Variants in CMTM8 observed in about 807,000 individuals in gnomAD.
The protein encoded by CMTM8 is CKLF like MARVEL transmembrane domain containing 8.
A neutral mutation model predicts 18.6 loss-of-function variants in CMTM8; 12 were observed. The observed-to-expected ratio is 0.65, with a 90% CI of 0.41 to 1.05. CMTM8 has a LOEUF of 1.05. CMTM8 is among the 50% of genes least tolerant of loss of function. CMTM8 has a pLI of 0.00. For synonymous variants in CMTM8, 87 were observed against 90.6 expected (o/e 0.96, Z 0.23); for missense variants, 217 against 227.2 (o/e 0.95, Z 0.29).
intron 1 of CMTM8, among the ~76,000 whole-genome samples, chr3:32,281,993 C>G (rs1702616418): frequency 6.6e-6 from 1 of 152,040 alleles, no homozygotes; most frequent in Non-Finnish European, 1.5e-5. Flanking sequence ...TTCCTCTTTT[C>G]CGTCTACACT....
intron 1 of CMTM8, among the ~76,000 whole-genome samples, chr3:32,319,471 A>G (rs1696001916): frequency 2.0e-5 from 3 of 151,730 alleles, no homozygotes; most frequent in Admixed American, 1.3e-4. Flanking sequence ...TCACAATACT[A>G]TCATACTTGA....
chr3:32,270,049 C>T (rs1264362199), intron 1 of CMTM8, among the ~76,000 whole-genome samples: 2 of 151,660 alleles, frequency 1.3e-5, no homozygotes, highest in African/African-American at 4.8e-5. Context: ...GTTGGGATTA[C>T]AGGCATGAGC....
At chr3:32,283,728 T>G (rs557991386) in intron 1 of CMTM8, among the ~76,000 whole-genome samples, 1 of 152,096 alleles carries the variant, frequency 6.6e-6, no homozygotes, top group East Asian at 1.9e-4. Context: ...CCCTCCACAC[T>G]TGGAGAACTA....
chr3:32,271,487 C>T (rs1702438344), intron 1 of CMTM8, among the ~76,000 whole-genome samples: 1 of 152,230 alleles, frequency 6.6e-6, no homozygotes, highest in South Asian at 2.1e-4. Flanking sequence ...TTGCACCTTA[C>T]AGAATATGGA....
chr3:32,260,929 A>T (rs1702248206), intron 1 of CMTM8, among the ~76,000 whole-genome samples: 2 of 152,156 alleles, frequency 1.3e-5, no homozygotes, highest in Non-Finnish European at 2.9e-5. Context: ...CCCAGTCTAA[A>T]ATGCTATGAA....
At chr3:32,343,880 TAGTAGAGAC>T (rs1166534311) in intron 1 of CMTM8, among the ~76,000 whole-genome samples, 2 of 152,174 alleles carry the variant, frequency 1.3e-5, no homozygotes, top group East Asian at 3.8e-4. Flanking sequence ...TTTGTATTTT[TAGTAGAGAC>T]AGGGTTTCAC....
At chr3:32,303,180 A>C (rs1368381640) in intron 1 of CMTM8, among the ~76,000 whole-genome samples, 6 of 152,206 alleles carry the variant, frequency 3.9e-5, no homozygotes, top group Admixed American at 6.5e-5. Flanking sequence ...TTGTCTTCTT[A>C]AGTTGCTGAT....
rs544062869 is a variant in CMTM8, at chr3:32,347,828, C to A, written c.148-9545C>A. ...GGAGAAGTTCCCTAACAGCTTCAATCGATAAAAAGAAAGTAAAATGACATC... is the reference window on the plus strand; with the variant it reads ...GGAGAAGTTCCCTAACAGCTTCAATAGATAAAAAGAAAGTAAAATGACATC... On this transcript the variant is annotated intron_variant, in intron 1 of 3. Coordinates refer to ENST00000307526, the MANE Select transcript of CMTM8 (RefSeq NM_178868.5). 2.6e-5 allele frequency among the ~76,000 whole-genome samples: 4 copies of A among 152,204 alleles called. No homozygotes were observed. In the South Asian group the frequency reaches 8.3e-4, roughly 32 times the overall value.
intron 1 of CMTM8, among the ~76,000 whole-genome samples, chr3:32,346,540 G>T (rs1346669185): frequency 2.0e-5 from 3 of 152,200 alleles, no homozygotes; most frequent in Non-Finnish European, 4.4e-5. Context: ...GTTGCAGACA[G>T]CCACCTTCTT....
At chr3:32,345,135 A>G (rs1030330066) in intron 1 of CMTM8, among the ~76,000 whole-genome samples, 6 of 152,056 alleles carry the variant, frequency 3.9e-5, no homozygotes, top group African/African-American at 7.2e-5. Context: ...CTTGAGCCTA[A>G]GAGTTCAAGA....
chr3:32,336,913 C>T lies in CMTM8; in HGVS notation c.148-20460C>T, dbSNP rs528817339. 2.6e-5 allele frequency among the ~76,000 whole-genome samples: 4 copies of T among 152,156 alleles called. No homozygotes were observed. In the South Asian group the frequency reaches 8.3e-4, roughly 32 times the overall value. On this transcript the variant is annotated intron_variant, in intron 1 of 3. Coordinates refer to ENST00000307526, the MANE Select transcript of CMTM8 (RefSeq NM_178868.5). ...CTATTAAGGAAACCATTGTTTCTTC[C>T]AGTTTTGGAGGCAGGAAGTCCAAGG...
At chr3:32,332,225 C>G (rs554927184) in intron 1 of CMTM8, among the ~76,000 whole-genome samples, 4 of 152,214 alleles carry the variant, frequency 2.6e-5, no homozygotes, top group South Asian at 4.1e-4. Flanking sequence ...TAGCTGCAGC[C>G]CGTCGCAGTG....
chr3:32,259,821 C>T (rs779354305), intron 1 of CMTM8: 35 of 817,604 alleles, frequency 4.3e-5, no homozygotes, highest in Non-Finnish European at 7.0e-5. Context: ...GCTGAGATGC[C>T]ACTCACGGAG....
intron 1 of CMTM8, among the ~76,000 whole-genome samples, chr3:32,254,676 A>T (rs925486808): frequency 1.3e-5 from 2 of 152,030 alleles, no homozygotes; most frequent in Non-Finnish European, 2.9e-5. Flanking sequence ...CTCCTTACCT[A>T]TTCCTGGCCA....
At chr3:32,261,159 G>A (rs1702252325) in intron 1 of CMTM8, among the ~76,000 whole-genome samples, 1 of 142,414 alleles carries the variant, frequency 7.0e-6, no homozygotes, top group South Asian at 2.3e-4. Flanking sequence ...GAGTGAGACT[G>A]TGTCCATCTC....
chr3:32,288,715 T>C (rs1311550390), intron 1 of CMTM8, among the ~76,000 whole-genome samples: 1 of 152,190 alleles, frequency 6.6e-6, no homozygotes, highest in Non-Finnish European at 1.5e-5. Context: ...TTAGCCAGGA[T>C]GTTCTCGATC....
At chr3:32,327,438 C>G (rs1358043331) in intron 1 of CMTM8, among the ~76,000 whole-genome samples, 1 of 152,192 alleles carries the variant, frequency 6.6e-6, no homozygotes, top group African/African-American at 2.4e-5. Flanking sequence ...ATTCCTACAA[C>G]TCAATAATTC....
At chr3:32,254,320 C>T (rs1367541790) in intron 1 of CMTM8, among the ~76,000 whole-genome samples, 1 of 152,168 alleles carries the variant, frequency 6.6e-6, no homozygotes, top group East Asian at 1.9e-4. Flanking sequence ...TTCCAAAACA[C>T]TTCATGTTCT....
chr3:32,347,807 A>G (rs1031810105), intron 1 of CMTM8, among the ~76,000 whole-genome samples: 1 of 151,992 alleles, frequency 6.6e-6, no homozygotes, highest in African/African-American at 2.4e-5. Flanking sequence ...TGTGATGGAG[A>G]AGTTCCCTAA....
Sources: allele counts gnomAD v4.1 joint callset (sites outside exome capture counted in the v4.1 genomes callset), GRCh38; gene constraint gnomAD v4.1.1; transcripts MANE v1.5; gene names NCBI Gene and HGNC (gene_info 2026-07-23, HGNC 2026-07-21).